Variants in XPO5 observed in about 807,000 individuals in gnomAD.
The protein encoded by XPO5 is exportin-5.
Under a neutral mutation model 160.6 loss-of-function variants are expected in XPO5, and 46 were observed. The observed-to-expected ratio is 0.29, with a 90% CI of 0.23 to 0.37. The LOEUF is 0.37. XPO5 is among the 10% of genes least tolerant of loss of function. The pLI, the probability that XPO5 is intolerant of heterozygous loss-of-function variation, is 1.00. For missense variants in XPO5, 1,090 were observed against 1,463.9 expected (o/e 0.74, Z 4.17); for synonymous variants, 537 against 519.3 (o/e 1.03, Z -0.46).
rs138222527 is a variant in XPO5 at position 43,544,285 on chromosome 6, A to G, written c.2342+2286T>C. 744 of 158,474 alleles carry G rather than the reference A, an allele frequency of 4.7e-3. 5 individuals carry two copies. Among genetic ancestry groups the G allele is most frequent in the African/African-American group, 0.016 (677 of 41,790 alleles). The allele number at this position is 158,474 out of a possible 1,614,324, so 9.8% of individuals were successfully genotyped here. The stretch of plus-strand genomic sequence containing the variant: ...TACCGACAGCAATTATACACTTTCC[A>G]TTGTCTTTCTATAGAAAATAGGAGT... On this transcript the variant is annotated intron_variant, in intron 20 of 31. Transcript: ENST00000265351.
At chr6:43,539,144 C>A in intron 20 of XPO5, 1 of 1,140,212 alleles carries the variant, frequency 8.8e-7, no homozygotes, top group African/African-American at 1.5e-5. Flanking sequence ...AGAGCCACGG[C>A]GGCCTGTCAC....
At chr6:43,553,014 T>C (rs1795324307) in intron 14 of XPO5, among the ~76,000 whole-genome samples, 1 of 152,188 alleles carries the variant, frequency 6.6e-6, no homozygotes, top group Non-Finnish European at 1.5e-5. Flanking sequence ...GATTTTCCTA[T>C]TCTACTACCA....
At chr6:43,561,142 C>T (rs954631963) in intron 9 of XPO5, 135 bp from the exon 10 acceptor site, 1 of 702,452 alleles carries the variant, frequency 1.4e-6, no homozygotes. Flanking sequence ...TTCCTTTTGG[C>T]TAAAGAAAGG....
At chr6:43,540,589 G>A (rs975035191) in intron 20 of XPO5, among the ~76,000 whole-genome samples, 1 of 152,208 alleles carries the variant, frequency 6.6e-6, no homozygotes, top group African/African-American at 2.4e-5. Flanking sequence ...GGAGGTAGAG[G>A]TTGAAGTGAG....
chr6:43,570,257 A>G (rs1423324002), intron 5 of XPO5, among the ~76,000 whole-genome samples: 2 of 141,294 alleles, frequency 1.4e-5, no homozygotes, highest in East Asian at 4.2e-4. Context: ...GGTTGCAGTG[A>G]GCCGGGATCA....
At chr6:43,575,715 G>T (rs763468474) in intron 1 of XPO5, 45 bp downstream of exon 1, 25 of 1,553,298 alleles carry the variant, frequency 1.6e-5, no homozygotes, top group Non-Finnish European at 1.1e-5. Context: ...GCTGGGGCTG[G>T]GAGAGGGTGT....
Position 43,556,542 on chromosome 6 carries a change from A to T in XPO5, c.1313-578T>A, listed in dbSNP as rs561099066. Among the ~76,000 whole-genome samples, 348 of 150,136 alleles carry T rather than the reference A, an allele frequency of 2.3e-3. 2 individuals are homozygous for T. Among genetic ancestry groups the T allele is most frequent in the African/African-American group, 6.8e-3 (272 of 39,948 alleles). On this transcript the variant is annotated intron_variant, in intron 12 of 31. Coordinates refer to ENST00000265351, the MANE Select transcript of XPO5 (RefSeq NM_020750.3). ...ATGTCTCAAAAAAAAAAAAAAAAAA[A>T]TTTTTAAAAAGTAAATCAGGTTGGT...
At chr6:43,525,350 C>T in intron 28 of XPO5, 136 bp from the exon 29 acceptor site, 1 of 817,856 alleles carries the variant, frequency 1.2e-6, no homozygotes, top group Non-Finnish European at 1.9e-6. Context: ...GTTGCCCAGG[C>T]TGGTCCTGAA....
At chr6:43,545,850 A>G (rs1342057314) in intron 20 of XPO5, among the ~76,000 whole-genome samples, 5 of 152,224 alleles carry the variant, frequency 3.3e-5, no homozygotes, top group Non-Finnish European at 5.9e-5. Context: ...CTAGTAACTG[A>G]TAAGCCTATA....
In XPO5 at chr6:43,531,487, A is replaced by G. The variant is rs1422417409; in HGVS notation, c.2532T>C (p.Tyr844=). 1.9e-6 allele frequency: 3 copies of G among 1,613,554 alleles called. No individual in the cohort carries two copies. The highest frequency in any genetic ancestry group is 1.1e-5 in the South Asian group (1 of 91,072). The change falls in exon 22 of 32, where the codon TAT becomes TAC. Residue 844 remains tyrosine, a synonymous_variant. Transcript: ENST00000265351. ...CAGCATTGGTTCCTTACCAGTTTTC[A>G]TAGAGGGTAGAGAAGAAACGCTGCA... ...ERMQRFFSTL[Y]ENCFHILGKA...
chr6:43,571,015 T>C (rs1340258275), intron 3 of XPO5, 21 bp from the exon 4 acceptor site: 1 of 1,604,772 alleles, frequency 6.2e-7, no homozygotes, highest in Non-Finnish European at 8.5e-7. Context: ...ACAAGAGATA[T>C]TAAGAGATAT....
At chr6:43,548,145 A>C in intron 18 of XPO5, 116 bp downstream of exon 18, 1 of 1,046,514 alleles carries the variant, frequency 9.6e-7, no homozygotes, top group Non-Finnish European at 1.4e-6. Flanking sequence ...TTCAGATATC[A>C]TGGATAATGC....
intron 9 of XPO5, among the ~76,000 whole-genome samples, 187 bp from the exon 10 acceptor site, chr6:43,561,194 AATC>A (rs578192569): frequency 3.3e-5 from 5 of 152,240 alleles, no homozygotes; most frequent in Middle Eastern, 6.8e-3. Flanking sequence ...TTGCCTACTC[AATC>A]ATCATCATTA....
intron 20 of XPO5, among the ~76,000 whole-genome samples, chr6:43,536,852 G>C (rs1266674590): frequency 6.6e-6 from 1 of 150,792 alleles, no homozygotes; most frequent in Non-Finnish European, 1.5e-5. Flanking sequence ...GTGGCTGGTA[G>C]GAATCTAATT....
At chr6:43,542,423 T>C (rs1177939313) in intron 20 of XPO5, among the ~76,000 whole-genome samples, 1 of 152,180 alleles carries the variant, frequency 6.6e-6, no homozygotes, top group Non-Finnish European at 1.5e-5. Context: ...TTCAATTTTT[T>C]TTTTGAGATG....
intron 12 of XPO5, among the ~76,000 whole-genome samples, chr6:43,557,564 A>G (rs2127740908): frequency 6.6e-6 from 1 of 152,268 alleles, no homozygotes; most frequent in East Asian, 1.9e-4. Context: ...CAAAACAGAG[A>G]CAGAAAGTAG....
chr6:43,531,409 C>T, intron 22 of XPO5, 70 bp downstream of exon 22: 2 of 1,448,832 alleles, frequency 1.4e-6, no homozygotes, highest in South Asian at 1.2e-5. Context: ...ATGAAAAGTC[C>T]AACCCATGGA....
At chr6:43,571,065 G>A in intron 3 of XPO5, 71 bp from the exon 4 acceptor site, 1 of 1,498,726 alleles carries the variant, frequency 6.7e-7, no homozygotes, top group Non-Finnish European at 8.9e-7. Context: ...AAGCTGGGCT[G>A]TAGAGTTGTA....
At chr6:43,568,263 C>T (rs764565392) in intron 6 of XPO5, among the ~76,000 whole-genome samples, 8 of 151,980 alleles carry the variant, frequency 5.3e-5, no homozygotes, top group Non-Finnish European at 1.0e-4. Flanking sequence ...GCCGAGATCG[C>T]GCCACTGCAC....
Sources: gnomAD v4.1 joint callset for allele counts (sites outside exome capture counted in the v4.1 genomes callset) on GRCh38, gnomAD v4.1.1 for gene constraint, MANE v1.5 for transcripts, NCBI Gene and HGNC (gene_info 2026-07-23, HGNC 2026-07-21) for gene names.